PSORS1C1: variants seen among roughly 807,000 people sequenced by gnomAD.
PSORS1C1 encodes psoriasis susceptibility 1 candidate 1.
PSORS1C1 carries 7 observed loss-of-function variants against 9.4 expected under a neutral mutation model. That is an observed-to-expected ratio of 0.75 (90% CI 0.42 to 1.40). The LOEUF is 1.40. PSORS1C1 is among the 40% of genes most tolerant of loss of function. The probability of loss-of-function intolerance (pLI) is 0.01; values close to 1 mark genes in which losing one functional copy is unlikely to be tolerated. For missense variants in PSORS1C1, 146 were observed against 178.1 expected (o/e 0.82, Z 1.02); for synonymous variants, 63 against 69.4 (o/e 0.91, Z 0.46).
At chr6:31,129,502 G>A (rs1772815642) in intron 2 of PSORS1C1, 67 bp from the exon 3 acceptor site, 16 of 731,130 alleles carry the variant, frequency 2.2e-5, no homozygotes, top group Non-Finnish European at 2.5e-6. Context: ...CTATTAATAG[G>A]TACTAAAATC....
In PSORS1C1 at chr6:31,117,068, A is replaced by G. The variant is rs1347017742; in HGVS notation, c.-229+2177A>G. 1 of 1,614,198 alleles carries G rather than the reference A, an allele frequency of 6.2e-7. No homozygotes were observed. The highest frequency in any genetic ancestry group is 8.5e-7 in the Non-Finnish European group (1 of 1,180,032). ...TGGGAAGGGTTTAGTATTCCGCGGT[A>G]AGAGTTGTCATTGGTTGGCAGAGCA... On this transcript the variant is annotated intron_variant, in intron 1 of 5. Coordinates refer to ENST00000259881, the MANE Select transcript of PSORS1C1 (RefSeq NM_014068.3).
At chr6:31,130,665 TGCTGGGATTACAAGCGTGAGCCACTGC>T (rs1772874127) in intron 3 of PSORS1C1, among the ~76,000 whole-genome samples, 1 of 152,082 alleles carries the variant, frequency 6.6e-6, no homozygotes, top group Non-Finnish European at 1.5e-5. Flanking sequence ...CCTCCCAAAG[TGCTGGGATTACAAGCGTGAGCCACTGC>T]GCCTGGCAAC....
chr6:31,139,236 C>G lies in PSORS1C1; in HGVS notation c.168-405C>G, dbSNP rs530708326. The G allele has an allele frequency of 3.7e-5, 22 of 590,504 alleles. No individual in the cohort carries two copies. In the African/African-American group the frequency reaches 4.1e-4, roughly 11 times the overall value. 36.6% of individuals were successfully genotyped at this position (590,504 alleles called of 1,614,324 possible). On this transcript the variant is annotated intron_variant, in intron 5 of 5. Coordinates refer to ENST00000259881, the MANE Select transcript of PSORS1C1 (RefSeq NM_014068.3). The surrounding 1 kb of genome is among the most constrained non-coding windows in gnomAD (Gnocchi z 5.2). ...TTATTTTAGTCCTCCAGCCCAGGACCCAGCTGCCTGCTCTCCCTATCATGA... is the reference window on the plus strand; with the variant it reads ...TTATTTTAGTCCTCCAGCCCAGGACGCAGCTGCCTGCTCTCCCTATCATGA...
intron 3 of PSORS1C1, among the ~76,000 whole-genome samples, chr6:31,134,861 G>T (rs1485244611): frequency 6.6e-6 from 1 of 152,102 alleles, no homozygotes; most frequent in Non-Finnish European, 1.5e-5. Flanking sequence ...CTGTTGCCCA[G>T]ACTGGAGTGC....
chr6:31,114,929 T>TGGGGA (rs373334458), intron 1 of PSORS1C1, 38 bp downstream of exon 1: 24 of 189,138 alleles, frequency 1.3e-4, no homozygotes, highest in African/African-American at 9.2e-4. Context: ...GGAGTTTGGG[T>TGGGGA]GGGGAGGGGA....
chr6:31,127,410 G>C (rs955640499), intron 2 of PSORS1C1, among the ~76,000 whole-genome samples: 1 of 152,190 alleles, frequency 6.6e-6, no homozygotes, highest in Non-Finnish European at 1.5e-5. Flanking sequence ...GAGGCATCTC[G>C]TGTCCCGCTC....
chr6:31,138,643 C>T lies in PSORS1C1; in HGVS notation c.44-13C>T. 6.2e-7 allele frequency: 1 copy of T among 1,613,148 alleles called. No individual in the cohort carries two copies. The highest frequency in any genetic ancestry group is 8.5e-7 in the Non-Finnish European group (1 of 1,179,980). On this transcript the variant is annotated splice_polypyrimidine_tract_variant and intron_variant, in intron 4 of 5. Coordinates refer to ENST00000259881, the MANE Select transcript of PSORS1C1 (RefSeq NM_014068.3). ...AACCTGCAACCCAAAGTGGGTTACA[C>T]CTTGGCCCCCAGGCACACAGACCCC...
chr6:31,128,586 G>A lies in PSORS1C1; in HGVS notation c.-64-983G>A, dbSNP rs902156654. ...TGATTACTGCCTCTGAGGATATTAG[G>A]GGGAAAAACCCACAGGAGGTGCATT... On this transcript the variant is annotated intron_variant, in intron 2 of 5. Transcript: ENST00000259881. This position sits in a 1 kb window ranked among gnomAD's most constrained non-coding sequence, Gnocchi z 4.3. Among the ~76,000 whole-genome samples, 2 of 152,124 alleles carry A rather than the reference G, an allele frequency of 1.3e-5. No homozygotes were observed. The highest frequency in any genetic ancestry group is 2.4e-5 in the African/African-American group (1 of 41,424).
At chr6:31,126,033 C>T (rs1439300209) in intron 2 of PSORS1C1, among the ~76,000 whole-genome samples, 194 bp downstream of exon 2, 1 of 151,678 alleles carries the variant, frequency 6.6e-6, no homozygotes, top group East Asian at 1.9e-4. Context: ...GTGCAAAGCC[C>T]CTGTAGGTGC....
In PSORS1C1 at chr6:31,129,612, C is replaced by G. The variant is rs752178253; in HGVS notation, c.-21C>G. Reference sequence around the variant, plus strand: ...GCAGCCAGGCAGTCCTCCATCCAGTCTTGACTTTGGCACTTGTGATATGAC... The same window carrying G: ...GCAGCCAGGCAGTCCTCCATCCAGTGTTGACTTTGGCACTTGTGATATGAC... On this transcript the variant is annotated 5_prime_UTR_variant, in exon 3 of 6. Coordinates refer to ENST00000259881, the MANE Select transcript of PSORS1C1 (RefSeq NM_014068.3). 1 of 779,864 alleles carries G rather than the reference C, an allele frequency of 1.3e-6. No homozygotes were observed. Among genetic ancestry groups the G allele is most frequent in the Non-Finnish European group, 2.4e-6 (1 of 418,126 alleles). The allele number at this position is 779,864 out of a possible 1,614,324, so 48.3% of individuals were successfully genotyped here.
intron 3 of PSORS1C1, among the ~76,000 whole-genome samples, chr6:31,131,251 A>C (rs988568488): frequency 1.3e-5 from 2 of 152,066 alleles, no homozygotes; most frequent in Non-Finnish European, 2.9e-5. Flanking sequence ...TTAAGTGTGC[A>C]TGACGGCCCA....
At chr6:31,121,690 C>T (rs1400289781) in intron 1 of PSORS1C1, among the ~76,000 whole-genome samples, 2 of 152,302 alleles carry the variant, frequency 1.3e-5, no homozygotes, top group South Asian at 4.1e-4. Context: ...TCCCAAACCT[C>T]ATCTCCTCAC....
intron 3 of PSORS1C1, chr6:31,137,570 AAGC>A (rs1773204319): frequency 3.7e-6 from 1 of 272,784 alleles, no homozygotes; most frequent in South Asian, 1.7e-4. Flanking sequence ...CGTTTCATGG[AAGC>A]AGCAGCTGTC....
At chr6:31,131,597 CAA>C (rs9281219) in intron 3 of PSORS1C1, among the ~76,000 whole-genome samples, 1,024 of 78,370 alleles carry the variant, frequency 0.013, 5 homozygotes, top group Middle Eastern at 0.069. Flanking sequence ...GACTCCGTCT[CAA>C]AAAAAAAAAA....
At chr6:31,130,493 C>T (rs966745077) in intron 3 of PSORS1C1, among the ~76,000 whole-genome samples, 1 of 151,822 alleles carries the variant, frequency 6.6e-6, no homozygotes, top group Non-Finnish European at 1.5e-5. Flanking sequence ...CTCACTGCAA[C>T]GTCCGCCTCC....
rs568179278 is a variant in PSORS1C1 at position 31,128,943 on chromosome 6, C to A, written c.-64-626C>A. Among the ~76,000 whole-genome samples, 2 of 152,344 alleles carry A rather than the reference C, an allele frequency of 1.3e-5. No homozygotes were observed. Among genetic ancestry groups the A allele is most frequent in the East Asian group, 3.9e-4 (2 of 5,192 alleles). On this transcript the variant is annotated intron_variant, in intron 2 of 5. Transcript: ENST00000259881. This position sits in a 1 kb window ranked among gnomAD's most constrained non-coding sequence, Gnocchi z 4.3. The stretch of plus-strand genomic sequence containing the variant: ...TCCTGGGACTGTCACCATCACATAG[C>A]ACCCCACAGAGCAGATGCTCAATGA...
At chr6:31,136,421 G>T (rs981294688) in intron 3 of PSORS1C1, among the ~76,000 whole-genome samples, 1 of 151,216 alleles carries the variant, frequency 6.6e-6, no homozygotes, top group Non-Finnish European at 1.5e-5. Flanking sequence ...GAAAGAAAAT[G>T]AATCTCTTAA....
At chr6:31,124,014 A>T (rs1251874222) in intron 1 of PSORS1C1, among the ~76,000 whole-genome samples, 1 of 152,086 alleles carries the variant, frequency 6.6e-6, no homozygotes, top group Non-Finnish European at 1.5e-5. Context: ...GAACCAGCGG[A>T]TGGCGTGGGT....
intron 1 of PSORS1C1, chr6:31,116,078 G>A (rs1290573050): frequency 6.2e-7 from 1 of 1,612,028 alleles, no homozygotes; most frequent in Non-Finnish European, 8.5e-7. Context: ...GGGTCAGCTA[G>A]CTGGGGCCCC....
Sources: allele counts gnomAD v4.1 joint callset (sites outside exome capture counted in the v4.1 genomes callset), GRCh38; gene constraint gnomAD v4.1.1; non-coding constraint Gnocchi (gnomAD v3.1); transcripts MANE v1.5; gene names NCBI Gene and HGNC (gene_info 2026-07-23, HGNC 2026-07-21).